The following CLIC5 variants were observed in gnomAD, a reference collection of about 807,000 sequenced individuals.
CLIC5 encodes the protein chloride intracellular channel protein 5.
CLIC5 carries 20 observed loss-of-function variants against 24.7 expected under a neutral mutation model. The ratio of observed to expected loss-of-function variants is 0.81; its 90% CI spans 0.57 to 1.18. CLIC5 has a LOEUF of 1.18. Ranked by LOEUF, CLIC5 falls within the 50% of genes most tolerant of loss-of-function variation. The pLI, the probability that CLIC5 is intolerant of heterozygous loss-of-function variation, is 0.00. For synonymous variants in CLIC5, 159 were observed against 135.6 expected, an observed-to-expected ratio of 1.17 and a Z score of -1.20; for missense variants, 341 against 326.1, an observed-to-expected ratio of 1.05 and a Z score of -0.35.
chr6:46,097,006 A>G, the CLIC5 span: 1 of 152,258 alleles, frequency 6.6e-6, no homozygotes, highest in African/African-American at 2.4e-5. Context: ...TTTAGGTTAC[A>G]TAGGTCTATG....
At chr6:46,124,215 G>A in the CLIC5 span, among the ~76,000 whole-genome samples, 1 of 152,138 alleles carries the variant, frequency 6.6e-6, no homozygotes, top group Non-Finnish European at 1.5e-5. Context: ...AAACAGCATG[G>A]CACTGGTACC....
intron 1 of CLIC5, among the ~76,000 whole-genome samples, chr6:45,966,154 T>C (rs1332180604): frequency 5.3e-5 from 8 of 152,216 alleles, no homozygotes; most frequent in African/African-American, 1.4e-4. Flanking sequence ...AACTCAAATA[T>C]AACAAATTGA....
intron 1 of CLIC5, among the ~76,000 whole-genome samples, chr6:46,062,071 A>G (rs1029598505): frequency 1.3e-5 from 2 of 152,220 alleles, no homozygotes; most frequent in African/African-American, 4.8e-5. Flanking sequence ...GGCTGGTGTG[A>G]CTGAGGAGCT....
Position 45,912,848 on chromosome 6 carries a change from T to C in CLIC5, c.588+1380A>G, listed in dbSNP as rs866604603. ...AAGTGACTATTGGCTTGGCCCCAAA[T>C]CCAAAATGTTCTTTTCTAAATAGGT... On this transcript the variant is annotated intron_variant, in intron 5 of 5. Coordinates refer to ENST00000339561, the MANE Select transcript of CLIC5 (RefSeq NM_016929.5). The C allele has an allele frequency of 3.0e-5, 22 of 742,868 alleles. No individual in the cohort carries two copies. The Middle Eastern group carries it at 3.7e-3, about 126-fold the overall frequency. The allele number at this position is 742,868 out of a possible 1,614,324, so 46.0% of individuals were successfully genotyped here.
At chr6:45,944,045 G>A (rs147545825) in intron 3 of CLIC5, among the ~76,000 whole-genome samples, 393 of 152,190 alleles carry the variant, frequency 2.6e-3, no homozygotes, top group African/African-American at 9.1e-3. Context: ...AAAGGCTAAG[G>A]AAGAGTGTTT....
At chr6:45,946,518 T>C (rs1764293751) in intron 3 of CLIC5, among the ~76,000 whole-genome samples, 1 of 152,208 alleles carries the variant, frequency 6.6e-6, no homozygotes, top group Non-Finnish European at 1.5e-5. Context: ...CAAATAGTGG[T>C]ATGATGAGAA....
the CLIC5 span, among the ~76,000 whole-genome samples, chr6:46,088,554 C>G: frequency 6.6e-6 from 1 of 152,160 alleles, no homozygotes; most frequent in Non-Finnish European, 1.5e-5. Context: ...TGCATTTCCA[C>G]TACCCAAAGA....
At chr6:46,112,643 A>T in the CLIC5 span, among the ~76,000 whole-genome samples, 1 of 152,200 alleles carries the variant, frequency 6.6e-6, no homozygotes, top group African/African-American at 2.4e-5. Flanking sequence ...TCTTGCAGAG[A>T]TTTAATGAAT....
intron 1 of CLIC5, among the ~76,000 whole-genome samples, chr6:45,987,808 T>C (rs1022665211): frequency 3.3e-5 from 5 of 152,178 alleles, no homozygotes; most frequent in Admixed American, 3.3e-4. Context: ...AGGGCTACAC[T>C]CTTATGACTT....
intron 4 of CLIC5, among the ~76,000 whole-genome samples, chr6:45,923,126 G>A (rs532850672): frequency 6.3e-4 from 96 of 152,190 alleles, no homozygotes; most frequent in Non-Finnish European, 1.2e-3. Context: ...AGAAAGTACG[G>A]CATAAATGCT....
At chr6:45,885,509 A>C (rs1447640766) in intron 6 of CLIC5, among the ~76,000 whole-genome samples, 1 of 152,224 alleles carries the variant, frequency 6.6e-6, no homozygotes, top group African/African-American at 2.4e-5. Context: ...TTTTTAAAAA[A>C]TAGGTCAAAT....
chr6:46,058,224 T>C (rs1248054713), intron 1 of CLIC5, among the ~76,000 whole-genome samples: 1 of 152,204 alleles, frequency 6.6e-6, no homozygotes, highest in Non-Finnish European at 1.5e-5. Context: ...CCCAGAGAGA[T>C]ACAAAGTTGA....
At chr6:45,881,850 A>T (rs1409790094) in intron 6 of CLIC5, among the ~76,000 whole-genome samples, 2 of 152,006 alleles carry the variant, frequency 1.3e-5, no homozygotes, top group African/African-American at 2.4e-5. Context: ...AGGAAAACCA[A>T]CCTGACCACC....
rs114575455 is a variant in CLIC5, at chr6:46,054,861, T to C, written c.540+24842A>G. 1.7e-3 allele frequency among the ~76,000 whole-genome samples: 263 copies of C among 152,242 alleles called. 1 individual carries two copies. Among genetic ancestry groups the C allele is most frequent in the African/African-American group, 5.9e-3 (246 of 41,528 alleles). ...ACTTTTATCCAGAACCGTGAAAAAA[T>C]AAGTTTCTGTTGCTTCAGCCATGCA... is the stretch of plus-strand genomic sequence containing the variant. On this transcript the variant is annotated intron_variant, in intron 1 of 5. Coordinates refer to the CLIC5 transcript ENST00000185206.
intron 1 of CLIC5, among the ~76,000 whole-genome samples, chr6:45,964,694 GC>G (rs1442113806): frequency 6.6e-6 from 1 of 152,164 alleles, no homozygotes. Flanking sequence ...GATTATTCCA[GC>G]CCCCAGCTTT....
chr6:45,941,568 T>C lies in CLIC5; in HGVS notation c.385A>G (p.Thr129Ala). 2 of 1,613,584 alleles carry C rather than the reference T, an allele frequency of 1.2e-6. No individual in the cohort carries two copies. The highest frequency in any genetic ancestry group is 1.7e-6 in the Non-Finnish European group (2 of 1,179,618). The stretch of plus-strand genomic sequence containing the variant: ...TCACCAGCATTGTTCTGCTGCTTGG[T>C]ATTTTTGATGTAGGCAGAAAACTTG... ...FSKFSAYIKNTKQQNNAALER... is the reference protein window; with the variant it reads ...FSKFSAYIKNAKQQNNAALER... The change falls in exon 4 of 6, where the codon ACC becomes GCC. Residue 129 changes from threonine (T) to alanine (A), a missense_variant. Physicochemically the swap from Thr to Ala is moderately conservative, Grantham distance 58. Transcript: ENST00000339561.
At position 46,028,913 on chromosome 6, in the gene CLIC5, A is replaced by G. The variant is rs147521711; in HGVS notation, c.540+50790T>C. Among the ~76,000 whole-genome samples, 1,198 of 152,310 alleles carry G rather than the reference A, an allele frequency of 7.9e-3. 17 individuals are homozygous for G. Among genetic ancestry groups the G allele is most frequent in the African/African-American group, 0.027 (1,131 of 41,554 alleles). ...TATAATAACATGTGTCTATCATTAT[A>G]GTATCCTATGGAGTATTTTCACCGC... On this transcript the variant is annotated intron_variant, in intron 1 of 5. Transcript: ENST00000185206.
the CLIC5 span, among the ~76,000 whole-genome samples, chr6:46,089,851 G>A: frequency 6.6e-6 from 1 of 152,110 alleles, no homozygotes; most frequent in African/African-American, 2.4e-5. Context: ...TATACATTTT[G>A]GGACATATTT....
At chr6:46,042,965 G>A (rs1040268790) in intron 1 of CLIC5, among the ~76,000 whole-genome samples, 7 of 152,166 alleles carry the variant, frequency 4.6e-5, no homozygotes, top group African/African-American at 7.2e-5. Flanking sequence ...CTGGGTGCAC[G>A]TTCTCTCTTG....
Sources: allele counts gnomAD v4.1 joint callset (sites outside exome capture counted in the v4.1 genomes callset), GRCh38; gene constraint gnomAD v4.1.1; transcripts MANE v1.5; gene names NCBI Gene and HGNC (gene_info 2026-07-23, HGNC 2026-07-21).